PCDHGA9: variants seen among roughly 807,000 people sequenced by gnomAD.
The protein encoded by PCDHGA9 is protocadherin gamma-A9.
PCDHGA9 carries 37 observed loss-of-function variants against 62.5 expected under a neutral mutation model. The observed-to-expected ratio is 0.59, with a 90% confidence interval of 0.46 to 0.78. The LOEUF (loss-of-function observed/expected upper bound fraction) is 0.78. Ranked by LOEUF, PCDHGA9 falls within the 30% of genes least tolerant of loss-of-function variation. The pLI, the probability that PCDHGA9 is intolerant of heterozygous loss-of-function variation, is 0.00. For missense variants in PCDHGA9, 1,138 were observed against 1,166.2 expected, an observed-to-expected ratio of 0.98 and a Z score of 0.35; for synonymous variants, 459 against 484.6, an observed-to-expected ratio of 0.95 and a Z score of 0.69.
At chr5:141,422,683 G>A in intron 1 of PCDHGA9, 1 of 1,605,286 alleles carries the variant, frequency 6.2e-7, no homozygotes, top group Non-Finnish European at 8.5e-7. Flanking sequence ...CAAACAGAAT[G>A]CCCTGGTCAC....
rs780436102 is a variant in PCDHGA9 at position 141,431,846 on chromosome 5, G to T, written c.2424+26470G>T. On this transcript the variant is annotated intron_variant, in intron 1 of 3. Coordinates refer to ENST00000573521, the MANE Select transcript of PCDHGA9 (RefSeq NM_018921.3). The surrounding 1 kb of genome is among the most constrained non-coding windows in gnomAD (Gnocchi z 4.8). ...CTCGGTTCCCGAAAACTCTCCCAGA[G>T]GGACATTAATTGCCCTTTTAAATGT... 4 of 1,614,274 alleles carry T rather than the reference G, an allele frequency of 2.5e-6. No homozygotes were observed. The South Asian group carries it at 4.4e-5, about 18-fold the overall frequency.
intron 1 of PCDHGA9, chr5:141,442,197 A>G (rs1267971703): frequency 1.3e-5 from 2 of 153,426 alleles, no homozygotes; most frequent in African/African-American, 4.8e-5. Context: ...ATTAATTTAT[A>G]TCTGGTGATT....
Position 141,505,441 on chromosome 5 carries a change from C to A in PCDHGA9, c.2532C>A (p.Asp844Glu), listed in dbSNP as rs2099846055. 6.2e-7 allele frequency: 1 copy of A among 1,614,084 alleles called. No individual in the cohort carries two copies. Among genetic ancestry groups the A allele is most frequent in the Non-Finnish European group, 8.5e-7 (1 of 1,180,024 alleles). Reference sequence around the variant, plus strand: ...GCACCTGGCCCAACAACCAGTTTGACACAGAGATGCTGCAAGCCATGATCT... The same window carrying A: ...GCACCTGGCCCAACAACCAGTTTGAAACAGAGATGCTGCAAGCCATGATCT... ...DTGTWPNNQFDTEMLQAMILA... is the reference protein window; with the variant it reads ...DTGTWPNNQFETEMLQAMILA... Residue 844 changes from aspartate to glutamate, a missense_variant, in exon 3 of 4, where the codon GAC becomes GAA. Transcript: ENST00000573521.
chr5:141,467,008 A>T (rs1319152720), intron 1 of PCDHGA9, among the ~76,000 whole-genome samples: 1 of 150,270 alleles, frequency 6.7e-6, no homozygotes, highest in African/African-American at 2.4e-5. Context: ...TTGCAATGCA[A>T]TTTTTTTCCC....
At chr5:141,423,251 ACCTCGGCAG>A (rs770264100) in intron 1 of PCDHGA9, 3 of 1,613,726 alleles carry the variant, frequency 1.9e-6, no homozygotes, top group African/African-American at 2.7e-5. Flanking sequence ...GTCCTGGCGG[ACCTCGGCAG>A]CCTCGAGTCT....
intron 1 of PCDHGA9, chr5:141,441,971 G>T: frequency 3.3e-6 from 1 of 298,820 alleles, no homozygotes; most frequent in Non-Finnish European, 6.5e-6. Context: ...AGGCTCTTCA[G>T]CCTGGAATGC....
In PCDHGA9 at chr5:141,490,028, G is replaced by A. The variant is rs752883792; in HGVS notation, c.2425-4779G>A. ...GCACCCATTGGTACTCTGCTGCTCC[G>A]CCTCAATGCCACTGATCCAGACGAG... On this transcript the variant is annotated intron_variant, in intron 1 of 3. Coordinates refer to ENST00000573521, the MANE Select transcript of PCDHGA9 (RefSeq NM_018921.3). The surrounding 1 kb of genome is among the most constrained non-coding windows in gnomAD (Gnocchi z 5.4). 20 of 1,614,070 alleles carry A rather than the reference G, an allele frequency of 1.2e-5. 1 individual carries two copies. Among genetic ancestry groups the A allele is most frequent in the South Asian group, 3.3e-5 (3 of 91,090 alleles).
At position 141,421,727 on chromosome 5, in the gene PCDHGA9, C is replaced by T. The variant is rs779718690; in HGVS notation, c.2424+16351C>T. The T allele has an allele frequency of 4.3e-6, 7 of 1,613,798 alleles. No individual in the cohort carries two copies. In the African/African-American group the frequency reaches 9.3e-5, roughly 22 times the overall value. ...AGGGATCCAGATGTGGGCGTGAACT[C>T]CCTCCAGAGCTACCAGCTCAGCCCT... On this transcript the variant is annotated intron_variant, in intron 1 of 3. Coordinates refer to ENST00000573521, the MANE Select transcript of PCDHGA9 (RefSeq NM_018921.3).
intron 1 of PCDHGA9, among the ~76,000 whole-genome samples, chr5:141,479,992 G>A (rs1336315766): frequency 6.6e-6 from 1 of 152,204 alleles, no homozygotes; most frequent in Non-Finnish European, 1.5e-5. Context: ...CCAACTAGGA[G>A]TCTGTGGCCA....
chr5:141,476,018 A>G lies in PCDHGA9; in HGVS notation c.2425-18789A>G. 7.3e-7 allele frequency: 1 copy of G among 1,371,412 alleles called. No homozygotes were observed. Among genetic ancestry groups the G allele is most frequent in the African/African-American group, 1.4e-5 (1 of 69,226 alleles). The allele number at this position is 1,371,412 out of a possible 1,614,324, so 85.0% of individuals were successfully genotyped here. A position where few individuals can be genotyped will look rare whatever the true frequency, so the allele number is the denominator to read the frequency against. The stretch of plus-strand genomic sequence containing the variant: ...AACGGCATCCAGAAAGCCATGTCGG[A>G]CTCGGCGCCCAGCGCCCAAGCGCTA... On this transcript the variant is annotated intron_variant, in intron 1 of 3. Coordinates refer to ENST00000573521, the MANE Select transcript of PCDHGA9 (RefSeq NM_018921.3). This position sits in a 1 kb window ranked among gnomAD's most constrained non-coding sequence, Gnocchi z 7.6.
intron 1 of PCDHGA9, chr5:141,430,760 A>C: frequency 1.3e-6 from 2 of 1,505,596 alleles, no homozygotes; most frequent in Non-Finnish European, 8.9e-7. Context: ...GAAGATAAGA[A>C]TGATTCCTGC....
intron 1 of PCDHGA9, among the ~76,000 whole-genome samples, chr5:141,444,473 G>A (rs943971075): frequency 2.6e-5 from 4 of 151,972 alleles, no homozygotes; most frequent in Admixed American, 6.6e-5. Flanking sequence ...GCCCGGTCGC[G>A]TACTGGATTT....
chr5:141,444,551 G>A (rs758187608), intron 1 of PCDHGA9, among the ~76,000 whole-genome samples: 1 of 152,022 alleles, frequency 6.6e-6, no homozygotes, highest in Non-Finnish European at 1.5e-5. Context: ...TGAGCAAAAG[G>A]CACTTATTTG....
At chr5:141,407,124 T>C (rs1409043654) in intron 1 of PCDHGA9, among the ~76,000 whole-genome samples, 1 of 152,242 alleles carries the variant, frequency 6.6e-6, no homozygotes, top group Non-Finnish European at 1.5e-5. Flanking sequence ...TTTCAGTTGC[T>C]TTATTTTTAA....
chr5:141,494,115 GC>G (rs1445167222), intron 1 of PCDHGA9, among the ~76,000 whole-genome samples: 1 of 152,186 alleles, frequency 6.6e-6, no homozygotes, highest in African/African-American at 2.4e-5. Context: ...AGACAGAGCA[GC>G]CTTGTTCTCT....
At chr5:141,410,698 C>G in intron 1 of PCDHGA9, 1 of 1,482,836 alleles carries the variant, frequency 6.7e-7, no homozygotes, top group Non-Finnish European at 9.0e-7. Context: ...ACTTTATTTT[C>G]ATATCTAGAA....
chr5:141,428,609 A>G, intron 1 of PCDHGA9: 1 of 215,052 alleles, frequency 4.7e-6, no homozygotes, highest in South Asian at 7.9e-5. Context: ...ACTGAAGAGA[A>G]TAACAAGATA....
Position 141,486,515 on chromosome 5 carries a change from G to A in PCDHGA9, c.2425-8292G>A. ...AACTATTTTCCTCAATATTTCAGAT[G>A]TGAATGATAATCCACCCTCTTTCTT... On this transcript the variant is annotated intron_variant, in intron 1 of 3. Transcript: ENST00000573521. This position sits in a 1 kb window ranked among gnomAD's most constrained non-coding sequence, Gnocchi z 5.0. 1 of 1,614,172 alleles carries A rather than the reference G, an allele frequency of 6.2e-7. No individual in the cohort carries two copies. The highest frequency in any genetic ancestry group is 8.5e-7 in the Non-Finnish European group (1 of 1,180,026).
At chr5:141,495,697 A>G (rs1010733016) in intron 2 of PCDHGA9, among the ~76,000 whole-genome samples, 1 of 152,086 alleles carries the variant, frequency 6.6e-6, no homozygotes, top group Non-Finnish European at 1.5e-5. Flanking sequence ...AGTGCTCAAT[A>G]AATGTGGAGT....
Sources: allele counts gnomAD v4.1 joint callset (sites outside exome capture counted in the v4.1 genomes callset), GRCh38; gene constraint gnomAD v4.1.1; non-coding constraint Gnocchi (gnomAD v3.1); transcripts MANE v1.5; gene names NCBI Gene and HGNC (gene_info 2026-07-23, HGNC 2026-07-21).